ZFP30: variants seen among roughly 807,000 people sequenced by gnomAD.
The protein encoded by ZFP30 is ZFP30 zinc finger protein.
A neutral mutation model predicts 12.3 loss-of-function variants in ZFP30; 16 were observed. That is an observed-to-expected ratio of 1.30 (90% CI 0.88 to 1.98). ZFP30 has a LOEUF of 1.98. Ranked by LOEUF, ZFP30 falls within the 30% of genes most tolerant of loss-of-function variation. The pLI, the probability that ZFP30 is intolerant of heterozygous loss-of-function variation, is 0.00. For synonymous variants in ZFP30, 172 were observed against 201.0 expected (o/e 0.86, Z 1.22); for missense variants, 560 against 611.2 (o/e 0.92, Z 0.88).
chr19:37,644,824 C>T (rs2044508861), intron 3 of ZFP30, 88 bp from the exon 4 acceptor site: 1 of 1,333,808 alleles, frequency 7.5e-7, no homozygotes. Flanking sequence ...TGGCTCAATG[C>T]TTATAATTCT....
chr19:37,633,948 A>G lies in ZFP30; in HGVS notation c.*1033T>C, dbSNP rs2044274907. 6.6e-6 allele frequency: 1 copy of G among 152,204 alleles called. No homozygotes were observed. The highest frequency in any genetic ancestry group is 1.5e-5 in the Non-Finnish European group (1 of 68,032). 9.4% of individuals were successfully genotyped at this position (152,204 alleles called of 1,614,324 possible). On this transcript the variant is annotated 3_prime_UTR_variant, in exon 6 of 6. Transcript: ENST00000684514. ...CATAACCACAATGCTATTATCACACATAACAAAGTTTCTTAATATTATCTA... is the reference window on the plus strand; with the variant it reads ...CATAACCACAATGCTATTATCACACGTAACAAAGTTTCTTAATATTATCTA...
intron 2 of ZFP30, 73 bp from the exon 3 acceptor site, chr19:37,647,972 C>A: frequency 1.3e-6 from 1 of 790,920 alleles, no homozygotes; most frequent in Non-Finnish European, 2.0e-6. Context: ...ACTGGTACTA[C>A]TTCTCCATTC....
At chr19:37,653,327 G>A (rs2147296439) in intron 2 of ZFP30, among the ~76,000 whole-genome samples, 1 of 152,154 alleles carries the variant, frequency 6.6e-6, no homozygotes, top group Non-Finnish European at 1.5e-5. Context: ...AGTAAGAACT[G>A]CAGACAAAAA....
rs764727843 is a variant in ZFP30, at chr19:37,635,755, C to A, written c.786G>T (p.Arg262Ser). 1 of 1,613,564 alleles carries A rather than the reference C, an allele frequency of 6.2e-7. No homozygotes were observed. Among genetic ancestry groups the A allele is most frequent in the East Asian group, 2.2e-5 (1 of 44,806 alleles). ...RVRGQLNLHQRIHTGEKPYEC... is the reference protein window; with the variant it reads ...RVRGQLNLHQSIHTGEKPYEC... Reference sequence around the variant, plus strand: ...CATAGGGTTTCTCACCCGTGTGAATCCTTTGATGGAGATTAAGTTGTCCTC... The same window carrying A: ...CATAGGGTTTCTCACCCGTGTGAATACTTTGATGGAGATTAAGTTGTCCTC... The change falls in exon 6 of 6, where the codon AGG (arginine) becomes AGT (serine). Residue 262 changes from arginine to serine, a missense_variant. Transcript: ENST00000684514.
chr19:37,637,424 C>T (rs959332580), intron 5 of ZFP30, among the ~76,000 whole-genome samples: 1 of 150,250 alleles, frequency 6.7e-6, no homozygotes, highest in East Asian at 2.0e-4. Context: ...CTCCTGACCT[C>T]GTGATCCACC....
chr19:37,644,852 G>C (rs2044509862), intron 3 of ZFP30, 116 bp from the exon 4 acceptor site: 2 of 1,041,350 alleles, frequency 1.9e-6, no homozygotes, highest in East Asian at 2.8e-5. Context: ...GGAGCCTGAA[G>C]CAGGAGGACT....
rs1467705985 is a variant in ZFP30 at position 37,647,900 on chromosome 19, C to A, written c.-77-1G>T. 6 of 1,530,896 alleles carry A rather than the reference C, an allele frequency of 3.9e-6. No individual in the cohort carries two copies. The African/African-American group carries it at 6.9e-5, about 18-fold the overall frequency. 94.8% of individuals were successfully genotyped at this position (1,530,896 alleles called of 1,614,324 possible). On this transcript the variant is annotated splice_acceptor_variant, in intron 2 of 5. Transcript: ENST00000684514. LOFTEE classifies it low-confidence loss of function (5UTR_SPLICE). ...GAAGCAGGGTCCACAGACACCAGAGCTGCAGAAAGAACATGTAAAATCATG... is the reference window on the plus strand; with the variant it reads ...GAAGCAGGGTCCACAGACACCAGAGATGCAGAAAGAACATGTAAAATCATG...
At chr19:37,655,317 T>C (rs2044733301) in intron 1 of ZFP30, 103 bp downstream of exon 1, 2 of 152,416 alleles carry the variant, frequency 1.3e-5, no homozygotes, top group African/African-American at 4.8e-5. Flanking sequence ...CAGGAACCTT[T>C]TCTCCACCTT....
upstream of ZFP30, chr19:37,655,694 C>A (rs961729198): frequency 1.3e-5 from 2 of 152,178 alleles, no homozygotes; most frequent in African/African-American, 4.8e-5. Flanking sequence ...AGGCCTGCTC[C>A]CCTGTGGACA....
At chr19:37,653,118 CAAAAA>C (rs372066359) in intron 2 of ZFP30, among the ~76,000 whole-genome samples, 1 of 48,644 alleles carries the variant, frequency 2.1e-5, no homozygotes, top group Admixed American at 2.2e-4. Flanking sequence ...AACTCCGTCT[CAAAAA>C]AAAAAAAAAA....
At chr19:37,637,160 CTT>C (rs1275728782) in intron 5 of ZFP30, among the ~76,000 whole-genome samples, 1 of 151,200 alleles carries the variant, frequency 6.6e-6, no homozygotes, top group Non-Finnish European at 1.5e-5. Flanking sequence ...AATATATATC[CTT>C]TGTTTTCTAT....
Position 37,635,707 on chromosome 19 carries a change from G to C in ZFP30, c.834C>G (p.Ala278=). 1 of 1,612,982 alleles carries C rather than the reference G, an allele frequency of 6.2e-7. No homozygotes were observed. Among genetic ancestry groups the C allele is most frequent in the Non-Finnish European group, 8.5e-7 (1 of 1,179,642 alleles). Residue 278 remains alanine, a synonymous_variant, in exon 6 of 6, where the codon GCC becomes GCG. Transcript: ENST00000684514. The stretch of plus-strand genomic sequence containing the variant: ...GAGTAAGGTGTGCATACTGCCTAAA[G>C]GCCTTCCCACATTCTTTACATTCAT... The part of the protein sequence containing the change: ...KPYECKECGK[A]FRQYAHLTRH...
intron 2 of ZFP30, among the ~76,000 whole-genome samples, chr19:37,654,453 C>A (rs1207062039): frequency 1.3e-5 from 2 of 152,160 alleles, no homozygotes; most frequent in Non-Finnish European, 2.9e-5. Context: ...ATTTCCATAT[C>A]ATCAAGATCC....
chr19:37,647,812 A>G lies in ZFP30; in HGVS notation c.9+2T>C. ...CCAAAGTAGAGAGAAATTCCAACTT[A>G]CACGAGCCATGATTTTAGAACTGCT... On this transcript the variant is annotated splice_donor_variant, in intron 3 of 5. Transcript: ENST00000684514. LOFTEE classifies it high-confidence loss of function. The G allele has an allele frequency of 1.2e-6, 2 of 1,614,214 alleles. No individual in the cohort carries two copies. The highest frequency in any genetic ancestry group is 2.7e-5 in the African/African-American group (2 of 75,058).
chr19:37,631,797 T>G lies in ZFP30; in HGVS notation c.*3184A>C, dbSNP rs371074631. On this transcript the variant is annotated 3_prime_UTR_variant, in exon 6 of 6. Transcript: ENST00000684514. Reference sequence around the variant, plus strand: ...AGGTAGAATGCCTAGAATCTAAATATATAATTAAAGCTGGATGGATCTGGT... The same window carrying G: ...AGGTAGAATGCCTAGAATCTAAATAGATAATTAAAGCTGGATGGATCTGGT... 6.6e-6 allele frequency: 1 copy of G among 152,014 alleles called. No homozygotes were observed. Among genetic ancestry groups the G allele is most frequent in the Non-Finnish European group, 1.5e-5 (1 of 67,994 alleles). The allele number at this position is 152,014 out of a possible 1,614,324, so 9.4% of individuals were successfully genotyped here.
At position 37,635,620 on chromosome 19, in the gene ZFP30, A is replaced by G. The variant is rs2044308189; in HGVS notation, c.921T>C (p.Phe307=). ...CYECKECGQA[F]LCSTGLRLHH... is the part of the protein sequence containing the mutation. ...GTAGTCGAAGGCCTGTACTACACAG[A>G]AAGGCCTGACCACATTCCTTACACT... Residue 307 remains phenylalanine, a synonymous_variant, in exon 6 of 6, where the codon TTT becomes TTC. Coordinates refer to ENST00000684514, the MANE Select transcript of ZFP30 (RefSeq NM_001320669.3). The G allele has an allele frequency of 1.2e-6, 2 of 1,614,072 alleles. No homozygotes were observed. Among genetic ancestry groups the G allele is most frequent in the African/African-American group, 1.3e-5 (1 of 74,922 alleles).
chr19:37,648,382 C>A (rs768773155), intron 2 of ZFP30, among the ~76,000 whole-genome samples: 1 of 152,132 alleles, frequency 6.6e-6, no homozygotes, highest in Non-Finnish European at 1.5e-5. Context: ...AAACTTTGCT[C>A]AAATTGGAAT....
At chr19:37,645,029 C>T (rs1269513457) in intron 3 of ZFP30, among the ~76,000 whole-genome samples, 1 of 151,994 alleles carries the variant, frequency 6.6e-6, no homozygotes, top group Admixed American at 6.6e-5. Flanking sequence ...CATAGTGAAA[C>T]CCCGTCTCTA....
intron 5 of ZFP30, among the ~76,000 whole-genome samples, chr19:37,636,529 G>A (rs1002319804): frequency 2.6e-5 from 4 of 152,044 alleles, no homozygotes; most frequent in Non-Finnish European, 5.9e-5. Flanking sequence ...ATCAAAGTTT[G>A]AGACTCCCCA....
Sources: gnomAD v4.1 joint callset for allele counts (sites outside exome capture counted in the v4.1 genomes callset) on GRCh38, gnomAD v4.1.1 for gene constraint, MANE v1.5 for transcripts, NCBI Gene and HGNC (gene_info 2026-07-23, HGNC 2026-07-21) for gene names.